ERN1: variants seen among roughly 807,000 people sequenced by gnomAD.
ERN1 encodes the protein endoplasmic reticulum to nucleus signaling 1.
A neutral mutation model predicts 113.1 loss-of-function variants in ERN1; 39 were observed. That is an observed-to-expected ratio of 0.34 (90% confidence interval 0.27 to 0.45). ERN1 has a LOEUF of 0.45. ERN1 is among the 20% of genes least tolerant of loss of function. The probability of loss-of-function intolerance (pLI) is 1.00; values close to 1 mark genes in which losing one functional copy is unlikely to be tolerated. For missense variants in ERN1, 976 were observed against 1,274.8 expected (o/e 0.77, Z 3.57); for synonymous variants, 507 against 515.9 (o/e 0.98, Z 0.23).
At chr17:64,058,457 A>G (rs1347603997) in intron 11 of ERN1, among the ~76,000 whole-genome samples, 1 of 152,218 alleles carries the variant, frequency 6.6e-6, no homozygotes, top group Non-Finnish European at 1.5e-5. Flanking sequence ...GCAATAAAGC[A>G]GTTTTCTCGT....
At chr17:64,082,685 G>A (rs1054911936) in intron 2 of ERN1, among the ~76,000 whole-genome samples, 2 of 152,176 alleles carry the variant, frequency 1.3e-5, no homozygotes, top group African/African-American at 2.4e-5. Flanking sequence ...GTCTTCAGAT[G>A]CAGATTTTCC....
Position 64,066,905 on chromosome 17 carries a change from T to G in ERN1, c.608A>C (p.Asp203Ala). The G allele has an allele frequency of 3.7e-6, 6 of 1,613,814 alleles. No individual in the cohort carries two copies. Among genetic ancestry groups the G allele is most frequent in the Non-Finnish European group, 5.1e-6 (6 of 1,179,828 alleles). Reference protein sequence around the residue: ...YKMSHFVSNGDGLVVTVDSES... With the variant: ...YKMSHFVSNGAGLVVTVDSES... ...ACTGTCCACAGTCACCACCAGCCCA[T>G]CACCATTGGACACAAAGTGGGACAT... Residue 203 changes from aspartate (D) to alanine (A), a missense_variant, in exon 8 of 22, where the codon GAT becomes GCT. By Grantham distance (126) the Asp-to-Ala change is moderately radical. Around this residue, in one of 5 missense-constraint regions of ERN1, gnomAD observed 459 missense variants for 581.2 expected, o/e 0.79. Coordinates refer to ENST00000433197, the MANE Select transcript of ERN1 (RefSeq NM_001433.5).
chr17:64,075,243 A>G lies in ERN1; in HGVS notation c.287T>C (p.Leu96Pro). The G allele has an allele frequency of 1.5e-6, 2 of 1,295,010 alleles. No individual in the cohort carries two copies. Among genetic ancestry groups the G allele is most frequent in the Non-Finnish European group, 2.1e-6 (2 of 970,356 alleles). The allele number at this position is 1,295,010 out of a possible 1,614,324, so 80.2% of individuals were successfully genotyped here. The change falls in exon 5 of 22, where the codon CTT becomes CCT. Residue 96 changes from leucine (L) to proline (P), a missense_variant. This residue lies in a region of ERN1 where 459 missense variants were observed against 581.2 expected (regional missense o/e 0.79). Coordinates refer to ENST00000433197, the MANE Select transcript of ERN1 (RefSeq NM_001433.5). Reference protein sequence around the residue: ...GSKNNEGLTKLPFTIPELVQA... With the variant: ...GSKNNEGLTKPPFTIPELVQA... ...CACCAATTCTGGGATGGTAAAAGGA[A>G]GTTTCTTTAAAAAAAAAAAAAAAGA... is the stretch of plus-strand genomic sequence containing the variant.
At chr17:64,126,363 G>A (rs184459014) in intron 1 of ERN1, among the ~76,000 whole-genome samples, 2 of 152,216 alleles carry the variant, frequency 1.3e-5, no homozygotes, top group East Asian at 3.9e-4. Flanking sequence ...CTATGAAAAT[G>A]AAACAGTTAT....
rs115776262 is a variant in ERN1, at chr17:64,058,324, A to G, written c.1207-331T>C. On this transcript the variant is annotated intron_variant, in intron 11 of 21. Transcript: ENST00000433197. The stretch of plus-strand genomic sequence containing the variant: ...CACTTCCTCCTTTGATGGTAGGTTC[A>G]GTATCCAGGAAAACACTGAAGTCAT... Among the ~76,000 whole-genome samples, 680 of 152,330 alleles carry G rather than the reference A, an allele frequency of 4.5e-3. 2 individuals are homozygous for G. Among genetic ancestry groups the G allele is most frequent in the African/African-American group, 0.016 (649 of 41,572 alleles).
intron 1 of ERN1, among the ~76,000 whole-genome samples, chr17:64,118,687 T>C (rs1914874180): frequency 6.6e-6 from 1 of 152,288 alleles, no homozygotes; most frequent in African/African-American, 2.4e-5. Context: ...CTAATAAAGA[T>C]CCTCTGAGAA....
chr17:64,118,308 A>G (rs1291408683), intron 1 of ERN1, among the ~76,000 whole-genome samples: 1 of 152,232 alleles, frequency 6.6e-6, no homozygotes, highest in Non-Finnish European at 1.5e-5. Context: ...GAAAGAATGC[A>G]TACAATTTCA....
At chr17:64,061,586 A>G (rs1913055715) in intron 10 of ERN1, among the ~76,000 whole-genome samples, 1 of 152,182 alleles carries the variant, frequency 6.6e-6, no homozygotes, top group Non-Finnish European at 1.5e-5. Context: ...ACAACATAAT[A>G]TCATTCTTTA....
intron 1 of ERN1, among the ~76,000 whole-genome samples, chr17:64,123,065 A>G (rs941637656): frequency 6.6e-6 from 1 of 152,158 alleles, no homozygotes; most frequent in Non-Finnish European, 1.5e-5. Flanking sequence ...AGCAAAAGGT[A>G]GTACTTTATT....
intron 2 of ERN1, among the ~76,000 whole-genome samples, chr17:64,081,837 T>C (rs1311320847): frequency 6.6e-6 from 1 of 152,184 alleles, no homozygotes; most frequent in Non-Finnish European, 1.5e-5. Context: ...AAGCTCCTGA[T>C]TCCAGGGGCA....
intron 2 of ERN1, among the ~76,000 whole-genome samples, chr17:64,096,821 C>A (rs916262665): frequency 9.9e-5 from 15 of 152,112 alleles, no homozygotes; most frequent in African/African-American, 3.6e-4. Flanking sequence ...TTGGAAAAAA[C>A]CAACTTAAAG....
intron 6 of ERN1, among the ~76,000 whole-genome samples, 176 bp from the exon 7 acceptor site, chr17:64,068,467 G>T (rs1232653902): frequency 6.6e-6 from 1 of 152,198 alleles, no homozygotes; most frequent in African/African-American, 2.4e-5. Flanking sequence ...CCAGACACAT[G>T]AGTGAAACTG....
chr17:64,075,182 G>C lies in ERN1; in HGVS notation c.348C>G (p.Leu116=). The C allele has an allele frequency of 6.5e-7, 1 of 1,541,040 alleles. No individual in the cohort carries two copies. The highest frequency in any genetic ancestry group is 8.8e-7 in the Non-Finnish European group (1 of 1,141,584). Residue 116 remains leucine, a synonymous_variant, in exon 5 of 22, where the codon CTC becomes CTG. Coordinates refer to ENST00000433197, the MANE Select transcript of ERN1 (RefSeq NM_001433.5). ...ASPCRSSDGI[L]YMGKKQDIWY... ...GGAGACAGGAACTCTTACCCATGTAGAGGATTCCATCTGAACTTCGGCATG... is the reference window on the plus strand; with the variant it reads ...GGAGACAGGAACTCTTACCCATGTACAGGATTCCATCTGAACTTCGGCATG...
intron 1 of ERN1, among the ~76,000 whole-genome samples, chr17:64,125,294 A>G (rs1289984650): frequency 6.6e-6 from 1 of 152,096 alleles, no homozygotes; most frequent in Non-Finnish European, 1.5e-5. Flanking sequence ...AAAAAAAAAT[A>G]TCTTCCCCTG....
At chr17:64,103,940 G>A (rs1363192184) in intron 1 of ERN1, among the ~76,000 whole-genome samples, 1 of 152,020 alleles carries the variant, frequency 6.6e-6, no homozygotes, top group Non-Finnish European at 1.5e-5. Flanking sequence ...AGAACAACCA[G>A]CAAAAAAACC....
intron 1 of ERN1, among the ~76,000 whole-genome samples, chr17:64,101,220 C>T (rs1242524415): frequency 6.6e-6 from 1 of 152,090 alleles, no homozygotes; most frequent in East Asian, 1.9e-4. Context: ...ACCAGCCTGG[C>T]CAACATGGCG....
chr17:64,053,209 C>T, intron 16 of ERN1, 63 bp downstream of exon 16: 1 of 1,396,784 alleles, frequency 7.2e-7, no homozygotes, highest in South Asian at 1.3e-5. Context: ...TACTGGTTAG[C>T]CCCACCTGGG....
rs2302238 is a variant in ERN1, at chr17:64,045,548, G to C, written c.2530-66C>G. The stretch of plus-strand genomic sequence containing the variant: ...GAGATGCTGAGAGCTGTGCGACTGG[G>C]ACTCAGTAACAGATCATCACTGACA... On this transcript the variant is annotated intron_variant, in intron 19 of 21. Coordinates refer to ENST00000433197, the MANE Select transcript of ERN1 (RefSeq NM_001433.5). The C allele has an allele frequency of 2.7e-4, 432 of 1,605,328 alleles. 5 individuals are homozygous for C. The East Asian group carries it at 9.6e-3, about 36-fold the overall frequency.
At chr17:64,123,872 G>C (rs192023185) in intron 1 of ERN1, among the ~76,000 whole-genome samples, 1 of 152,092 alleles carries the variant, frequency 6.6e-6, no homozygotes, top group African/African-American at 2.4e-5. Context: ...GAAATACTAC[G>C]CAGCCAATTA....
Sources: gnomAD v4.1 joint callset for allele counts (sites outside exome capture counted in the v4.1 genomes callset) on GRCh38, gnomAD v4.1.1 for gene constraint, gnomAD v4.1.1 regional missense constraint, MANE v1.5 for transcripts, NCBI Gene and HGNC (gene_info 2026-07-23, HGNC 2026-07-21) for gene names.